Variants in CDC5L observed in about 807,000 individuals in gnomAD.
The protein encoded by CDC5L is cell division cycle 5-like protein.
Under a neutral mutation model 104.1 loss-of-function variants are expected in CDC5L, and 18 were observed. The ratio of observed to expected loss-of-function variants is 0.17; its 90% CI spans 0.12 to 0.26. CDC5L has a LOEUF of 0.26. Among genes scored for constraint, CDC5L ranks in the 10% least tolerant of loss-of-function variants. The probability of loss-of-function intolerance (pLI) is 1.00; values close to 1 mark genes in which losing one functional copy is unlikely to be tolerated. For synonymous variants in CDC5L, 331 were observed against 322.7 expected, an observed-to-expected ratio of 1.03 and a Z score of -0.28; for missense variants, 673 against 956.9, an observed-to-expected ratio of 0.70 and a Z score of 3.91.
chr6:44,407,561 G>A (rs1333691910), intron 7 of CDC5L, among the ~76,000 whole-genome samples: 3 of 152,122 alleles, frequency 2.0e-5, no homozygotes, highest in Non-Finnish European at 4.4e-5. Context: ...TCTTGACTTC[G>A]TGAGCTACCA....
chr6:44,389,415 A>G (rs1414926853), intron 1 of CDC5L, among the ~76,000 whole-genome samples: 2 of 152,212 alleles, frequency 1.3e-5, no homozygotes, highest in South Asian at 2.1e-4. Context: ...GGGTATCTCA[A>G]GAGGCACGTA....
chr6:44,406,377 A>G lies in CDC5L; in HGVS notation c.813A>G (p.Lys271=), dbSNP rs757457069. 4 of 1,608,002 alleles carry G rather than the reference A, an allele frequency of 2.5e-6. No homozygotes were observed. The highest frequency in any genetic ancestry group is 4.5e-5 in the East Asian group (2 of 44,844). ...ACAAACAGCATTTGAAAAGGAAAAAAGAATCTGATTTACCATCAGCTATTC... is the reference window on the plus strand; with the variant it reads ...ACAAACAGCATTTGAAAAGGAAAAAGGAATCTGATTTACCATCAGCTATTC... ...KKDKQHLKRK[K]ESDLPSAILQ... is the part of the protein sequence containing the mutation. Residue 271 remains lysine (K), a synonymous_variant, in exon 7 of 16, where the codon AAA becomes AAG. Transcript: ENST00000371477.
At chr6:44,444,546 C>T (rs1045950797) in intron 14 of CDC5L, among the ~76,000 whole-genome samples, 2 of 152,150 alleles carry the variant, frequency 1.3e-5, no homozygotes, top group South Asian at 2.1e-4. Flanking sequence ...TTGTCTCCCC[C>T]ATTAGCTCTC....
chr6:44,413,548 G>A (rs1355283947), intron 8 of CDC5L, among the ~76,000 whole-genome samples: 1 of 152,084 alleles, frequency 6.6e-6, no homozygotes, highest in African/African-American at 2.4e-5. Context: ...AACTTTATGA[G>A]GAACTGCCAG....
rs571653688 is a variant in CDC5L at position 44,450,404 on chromosome 6, TA to T, written c.*3700del. 1.4e-3 allele frequency: 211 copies of T among 152,314 alleles called. No individual in the cohort carries two copies. Among genetic ancestry groups the T allele is most frequent in the African/African-American group, 4.8e-3 (200 of 41,574 alleles). The allele number at this position is 152,314 out of a possible 1,614,324, so 9.4% of individuals were successfully genotyped here. A position where few individuals can be genotyped will look rare whatever the true frequency, so the allele number is the denominator to read the frequency against. On this transcript the variant is annotated 3_prime_UTR_variant, in exon 16 of 16. Transcript: ENST00000371477. Reference sequence around the variant, plus strand: ...TTTTTAAATTTAAGCAACTTTAAATTAAAAAAATTGTTTTTAAAATATATTC... The same window carrying T: ...TTTTTAAATTTAAGCAACTTTAAATTAAAAAATTGTTTTTAAAATATATTC...
chr6:44,411,631 A>AGTGTGTGTGTGTGTGT (rs756188413), intron 8 of CDC5L, among the ~76,000 whole-genome samples: 82 of 9,230 alleles, frequency 8.9e-3, no homozygotes, highest in Admixed American at 0.05. Flanking sequence ...AGAGAGAGAG[A>AGTGTGTGTGTGTGTGT]GAGAGAGTGT....
chr6:44,435,831 G>C (rs1792908575), intron 14 of CDC5L: 1 of 150,018 alleles, frequency 6.7e-6, no homozygotes, highest in South Asian at 2.1e-4. Context: ...TGCCCAGGCT[G>C]AGTGCAATGG....
intron 6 of CDC5L, among the ~76,000 whole-genome samples, chr6:44,404,866 A>AT (rs1391564265): frequency 1.3e-5 from 2 of 151,664 alleles, no homozygotes; most frequent in Non-Finnish European, 2.9e-5. Flanking sequence ...CTAATTTTTT[A>AT]TTTTTTGTAG....
At chr6:44,406,276 G>T in intron 6 of CDC5L, 47 bp from the exon 7 acceptor site, 1 of 1,349,418 alleles carries the variant, frequency 7.4e-7, no homozygotes, top group Non-Finnish European at 1.0e-6. Context: ...TAATGTTTTT[G>T]GCTATATGTA....
rs116414038 is a variant in CDC5L at position 44,388,760 on chromosome 6, C to A, written c.45+892C>A. 4.3e-3 allele frequency among the ~76,000 whole-genome samples: 648 copies of A among 149,446 alleles called. 5 individuals carry two copies. Among genetic ancestry groups the A allele is most frequent in the African/African-American group, 0.015 (595 of 40,442 alleles). ...CTTCAAACCTAGTTCGGAAACACTT[C>A]TTGGAATCTCTGTAAGAATTAATTG... On this transcript the variant is annotated intron_variant, in intron 1 of 15. Coordinates refer to ENST00000371477, the MANE Select transcript of CDC5L (RefSeq NM_001253.4).
chr6:44,393,823 C>T (rs1561967177), intron 4 of CDC5L, among the ~76,000 whole-genome samples: 1 of 152,122 alleles, frequency 6.6e-6, no homozygotes, highest in Admixed American at 6.6e-5. Flanking sequence ...TGCCGCCATA[C>T]CTGGCTAATT....
At chr6:44,412,055 G>A (rs1422843572) in intron 8 of CDC5L, among the ~76,000 whole-genome samples, 1 of 152,110 alleles carries the variant, frequency 6.6e-6, no homozygotes, top group Admixed American at 6.5e-5. Flanking sequence ...TTAATAACAG[G>A]GGGCAATAAT....
chr6:44,420,738 T>G (rs1792132518), intron 9 of CDC5L, among the ~76,000 whole-genome samples: 1 of 152,158 alleles, frequency 6.6e-6, no homozygotes, highest in South Asian at 2.1e-4. Flanking sequence ...ATTTCCTGAT[T>G]TGGCATGCTC....
At chr6:44,406,682 G>A (rs756747300) in intron 7 of CDC5L, among the ~76,000 whole-genome samples, 1 of 152,164 alleles carries the variant, frequency 6.6e-6, no homozygotes, top group African/African-American at 2.4e-5. Flanking sequence ...CAGGACGGGC[G>A]GATCACCTGA....
intron 14 of CDC5L, among the ~76,000 whole-genome samples, chr6:44,436,039 A>G (rs113305710): frequency 0.041 from 6,170 of 152,208 alleles, 288 homozygotes; most frequent in African/African-American, 0.11. Context: ...TGGCCTCCCA[A>G]AGTGCTGGGA....
In CDC5L at chr6:44,442,312, A is replaced by G. The variant is rs141340815; in HGVS notation, c.2092-3343A>G. ...ATAGGTGAGGACTTAACCAGTGCCA[A>G]TTGTTTTCTGTTTATAGATCCTTTG... is the stretch of plus-strand genomic sequence containing the variant. On this transcript the variant is annotated intron_variant, in intron 14 of 15. Coordinates refer to ENST00000371477, the MANE Select transcript of CDC5L (RefSeq NM_001253.4). Among the ~76,000 whole-genome samples the G allele has an allele frequency of 3.7e-3, 557 of 150,326 alleles. 5 individuals carry two copies. Among genetic ancestry groups the G allele is most frequent in the African/African-American group, 0.013 (526 of 40,690 alleles).
At chr6:44,413,385 A>G (rs1791745921) in intron 8 of CDC5L, among the ~76,000 whole-genome samples, 1 of 152,076 alleles carries the variant, frequency 6.6e-6, no homozygotes, top group Non-Finnish European at 1.5e-5. Context: ...TTGTTTATCC[A>G]CTTATCAGCT....
intron 14 of CDC5L, among the ~76,000 whole-genome samples, chr6:44,440,329 C>T (rs1236169285): frequency 1.3e-5 from 2 of 151,580 alleles, no homozygotes; most frequent in Non-Finnish European, 2.9e-5. Flanking sequence ...GCAACCTCCG[C>T]CTCCTGGGTG....
intron 13 of CDC5L, among the ~76,000 whole-genome samples, chr6:44,428,027 T>G (rs1283639596): frequency 5.9e-5 from 9 of 152,030 alleles, no homozygotes; most frequent in Admixed American, 5.9e-4. Context: ...ATATCTCTCT[T>G]TGTTCCAAAA....
Sources: allele counts gnomAD v4.1 joint callset (sites outside exome capture counted in the v4.1 genomes callset), GRCh38; gene constraint gnomAD v4.1.1; transcripts MANE v1.5; gene names NCBI Gene and HGNC (gene_info 2026-07-23, HGNC 2026-07-21).